The following FAM177B variants were observed in gnomAD, a reference collection of about 807,000 sequenced individuals.
The protein encoded by FAM177B is protein FAM177B.
In FAM177B, 16 loss-of-function variants were observed where a neutral mutation model predicts 16.1. The ratio of observed to expected loss-of-function variants is 0.99; its 90% CI spans 0.67 to 1.51. The LOEUF (loss-of-function observed/expected upper bound fraction) is 1.51, where lower values mean the gene tolerates loss of function less well. FAM177B is among the 40% of genes most tolerant of loss of function. FAM177B has a pLI of 0.00. For missense variants in FAM177B, 178 were observed against 183.7 expected (o/e 0.97, Z 0.18); for synonymous variants, 56 against 59.9 (o/e 0.93, Z 0.30).
chr1:222,739,327 T>C (rs774448607), intron 2 of FAM177B, among the ~76,000 whole-genome samples: 6 of 152,218 alleles, frequency 3.9e-5, no homozygotes, highest in Admixed American at 2.0e-4. Flanking sequence ...TAGCCTGATG[T>C]TTAAGCTTTC....
At chr1:222,746,921 T>C (rs904253589) in intron 3 of FAM177B, 94 bp from the exon 4 acceptor site, 1 of 986,558 alleles carries the variant, frequency 1.0e-6, no homozygotes, top group Non-Finnish European at 1.6e-6. Context: ...ATGGAACATA[T>C]TATATAGAGC....
Position 222,749,452 on chromosome 1 carries a change from T to A in FAM177B, c.242-13T>A, listed in dbSNP as rs765237569. On this transcript the variant is annotated splice_polypyrimidine_tract_variant and intron_variant, in intron 4 of 5. Coordinates refer to ENST00000445590, the MANE Select transcript of FAM177B (RefSeq NM_001394345.1). ...GTAATTCAGTTTACGCAAGTGCTCG[T>A]TCTTTCTTTTAGCATGTGAATTCCT... The A allele has an allele frequency of 8.4e-6, 13 of 1,550,230 alleles. No homozygotes were observed. The East Asian group carries it at 2.9e-4, about 35-fold the overall frequency.
At chr1:222,749,800 G>T in intron 5 of FAM177B, 121 bp from the exon 6 acceptor site, 1 of 1,062,406 alleles carries the variant, frequency 9.4e-7, no homozygotes, top group South Asian at 1.3e-5. Flanking sequence ...GAAGGTAGTT[G>T]GGTGAGAAGG....
chr1:222,749,655 G>T, intron 5 of FAM177B, 93 bp downstream of exon 5: 1 of 800,986 alleles, frequency 1.2e-6, no homozygotes, highest in South Asian at 1.7e-5. Flanking sequence ...TTTCCCACCT[G>T]GTCATATGTA....
At chr1:222,737,856 G>T (rs1159540608) in intron 1 of FAM177B, 48 bp from the exon 2 acceptor site, 1 of 152,176 alleles carries the variant, frequency 6.6e-6, no homozygotes, top group Non-Finnish European at 1.5e-5. Flanking sequence ...TAGCAGTGGA[G>T]TAATGAAAAG....
intron 3 of FAM177B, 54 bp downstream of exon 3, chr1:222,746,773 C>T: frequency 7.2e-7 from 1 of 1,392,504 alleles, no homozygotes; most frequent in Non-Finnish European, 9.9e-7. Context: ...GGTGAATGAA[C>T]AAGAGATTGA....
intron 2 of FAM177B, among the ~76,000 whole-genome samples, chr1:222,741,202 G>A (rs1375682266): frequency 1.3e-5 from 2 of 151,428 alleles, no homozygotes; most frequent in South Asian, 2.1e-4. Context: ...GCGACTACAG[G>A]CACATGCCAC....
intron 2 of FAM177B, 98 bp from the exon 3 acceptor site, chr1:222,746,433 A>C: frequency 4.8e-6 from 3 of 629,106 alleles, no homozygotes; most frequent in Non-Finnish European, 8.2e-6. Flanking sequence ...AGGTGTGATT[A>C]CCTCTGAGTT....
intron 2 of FAM177B, among the ~76,000 whole-genome samples, chr1:222,738,381 CTGTATT>C (rs1485615076): frequency 1.3e-5 from 2 of 151,900 alleles, no homozygotes; most frequent in Non-Finnish European, 2.9e-5. Context: ...CCTTCATAGT[CTGTATT>C]TGGGGTTTTT....
chr1:222,741,417 T>G (rs1033546580), intron 2 of FAM177B, among the ~76,000 whole-genome samples: 1 of 152,130 alleles, frequency 6.6e-6, no homozygotes, highest in East Asian at 1.9e-4. Context: ...GACATAGAAT[T>G]TCCTATTATT....
chr1:222,744,699 A>G (rs1210474710), intron 2 of FAM177B, among the ~76,000 whole-genome samples: 1 of 152,206 alleles, frequency 6.6e-6, no homozygotes, highest in Admixed American at 6.5e-5. Flanking sequence ...CTATTATTTT[A>G]TAAATGAGAA....
intron 4 of FAM177B, chr1:222,748,847 A>G (rs1349254261): frequency 2.9e-6 from 1 of 349,424 alleles, no homozygotes; most frequent in Non-Finnish European, 5.8e-6. Flanking sequence ...TTCAGGGGTA[A>G]GAGAAGGCTG....
rs1326631227 is a variant in FAM177B at position 222,749,519 on chromosome 1, A to G, written c.296A>G (p.Lys99Arg). Residue 99 changes from lysine (K) to arginine (R), a missense_variant, in exon 5 of 6, where the codon AAA (lysine) becomes AGA (arginine). Coordinates refer to ENST00000445590, the MANE Select transcript of FAM177B (RefSeq NM_001394345.1). ...FAVFFGLTQP[K>R]YQYVLNEFYR... ...GTCTTCTTTGGTCTTACTCAACCCA[A>G]ATATCAGTATGTGTTAAACGAGTTC... 3 of 1,610,784 alleles carry G rather than the reference A, an allele frequency of 1.9e-6. No individual in the cohort carries two copies. Among genetic ancestry groups the G allele is most frequent in the Non-Finnish European group, 2.5e-6 (3 of 1,177,690 alleles).
Position 222,747,072 on chromosome 1 carries a change from T to C in FAM177B, c.232T>C (p.Ser78Pro), listed in dbSNP as rs1445025396. The change falls in exon 4 of 6, where the codon TCA (serine) becomes CCA (proline). Residue 78 changes from serine to proline, a missense_variant. Coordinates refer to ENST00000445590, the MANE Select transcript of FAM177B (RefSeq NM_001394345.1). Reference protein sequence around the residue: ...RFWAGRIASTSFSTCEFLGGR... With the variant: ...RFWAGRIASTPFSTCEFLGGR... ...TTGGGCAGGACGAATAGCAAGCACCTCATTTTCTAGTAAGTACTGCTAAGG... is the reference window on the plus strand; with the variant it reads ...TTGGGCAGGACGAATAGCAAGCACCCCATTTTCTAGTAAGTACTGCTAAGG... The C allele has an allele frequency of 2.5e-6, 4 of 1,607,462 alleles. No homozygotes were observed. In the Admixed American group the frequency reaches 6.7e-5, roughly 27 times the overall value.
At chr1:222,746,754 G>C (rs1476212524) in intron 3 of FAM177B, 35 bp downstream of exon 3, 3 of 1,507,322 alleles carry the variant, frequency 2.0e-6, no homozygotes, top group South Asian at 1.2e-5. Flanking sequence ...GGAACATGGT[G>C]GGGGAGGCGG....
intron 2 of FAM177B, among the ~76,000 whole-genome samples, chr1:222,738,477 G>T (rs1658383322): frequency 6.6e-6 from 1 of 150,638 alleles, no homozygotes; most frequent in Admixed American, 6.6e-5. Context: ...CCAGCACTTT[G>T]GGAGGCTGAG....
chr1:222,738,445 G>A (rs946826868), intron 2 of FAM177B, among the ~76,000 whole-genome samples: 7 of 151,532 alleles, frequency 4.6e-5, no homozygotes, highest in African/African-American at 1.2e-4. Context: ...TGAGCCGGGC[G>A]CAGTGGCTCA....
chr1:222,745,264 G>A (rs574265170), intron 2 of FAM177B, among the ~76,000 whole-genome samples: 57 of 152,258 alleles, frequency 3.7e-4, no homozygotes, highest in South Asian at 8.3e-4. Flanking sequence ...GGAGACATAC[G>A]CTTTCATTTC....
chr1:222,746,846 C>A, intron 3 of FAM177B, 127 bp downstream of exon 3: 1 of 988,964 alleles, frequency 1.0e-6, no homozygotes. Context: ...TTTTTGCTTT[C>A]TAAATCCATG....
Sources: allele counts gnomAD v4.1 joint callset (sites outside exome capture counted in the v4.1 genomes callset), GRCh38; gene constraint gnomAD v4.1.1; transcripts MANE v1.5; gene names NCBI Gene and HGNC (gene_info 2026-07-23, HGNC 2026-07-21).